Variants in PLA2G4B observed in about 807,000 individuals in gnomAD.
PLA2G4B encodes the protein cytosolic phospholipase A2 beta.
A neutral mutation model predicts 95.8 loss-of-function variants in PLA2G4B; 122 were observed. That is an observed-to-expected ratio of 1.27 (90% CI 1.10 to 1.48). PLA2G4B has a LOEUF of 1.48. PLA2G4B is among the 40% of genes most tolerant of loss of function. The pLI is 0.00. For missense variants in PLA2G4B, 1,158 were observed against 996.2 expected (o/e 1.16, Z -2.19); for synonymous variants, 518 against 421.5 (o/e 1.23, Z -2.80).
chr15:41,845,861 T>G (rs1042816681), intron 15 of PLA2G4B, 82 bp from the exon 16 acceptor site: 1 of 1,525,776 alleles, frequency 6.6e-7, no homozygotes. Flanking sequence ...CAGAAGAGTT[T>G]CCTGGGCCAG....
chr15:41,846,955 G>C, intron 18 of PLA2G4B, 120 bp downstream of exon 18: 1 of 1,334,590 alleles, frequency 7.5e-7, no homozygotes. Context: ...TGGGACACTG[G>C]AATCTTAATT....
At position 41,845,012 on chromosome 15, in the gene PLA2G4B, A is replaced by G; in HGVS notation, c.1181A>G (p.Tyr394Cys). 6.2e-7 allele frequency: 1 copy of G among 1,605,386 alleles called. No homozygotes were observed. ...QELAERARLG[Y>C]PSCFTNLWAL... is the part of the protein sequence containing the mutation. ...CTGGCCGAGCGTGCCCGCTTGGGCT[A>G]CCCAAGCTGCTTCACCAACCTGTGG... The change falls in exon 13 of 20, where the codon TAC becomes TGC. Residue 394 changes from tyrosine to cysteine, a missense_variant. Physicochemically the swap from Tyr to Cys is radical, Grantham distance 194. Transcript: ENST00000458483.
chr15:41,843,663 C>T lies in PLA2G4B; in HGVS notation c.744-13C>T, dbSNP rs542020512. On this transcript the variant is annotated splice_polypyrimidine_tract_variant and intron_variant, in intron 10 of 19. Transcript: ENST00000458483. ...TTGAGAGCTGTCTCACAGTCTCTTCCTTCCCCGGCCAGACTGAGGGAGCTG... is the reference window on the plus strand; with the variant it reads ...TTGAGAGCTGTCTCACAGTCTCTTCTTTCCCCGGCCAGACTGAGGGAGCTG... 1 of 1,611,922 alleles carries T rather than the reference C, an allele frequency of 6.2e-7. No individual in the cohort carries two copies. Among genetic ancestry groups the T allele is most frequent in the East Asian group, 2.2e-5 (1 of 44,836 alleles).
Position 41,845,308 on chromosome 15 carries a change from T to G in PLA2G4B, c.1345T>G (p.Phe449Val). ...CACCAAAGGGCAGAGCCTGACCACT[T>G]TTGAATTTGGGGGTGAGTGGCCCAA... ...LNTKGQSLTT[F>V]EFGEWCEFSP... The change falls in exon 14 of 20, where the codon TTT becomes GTT. Residue 449 changes from phenylalanine to valine, a missense_variant. By Grantham distance (50) the Phe-to-Val change is conservative (BLOSUM62 -1). Transcript: ENST00000458483. The G allele has an allele frequency of 1.9e-6, 3 of 1,613,840 alleles. No individual in the cohort carries two copies. Among genetic ancestry groups the G allele is most frequent in the Non-Finnish European group, 2.5e-6 (3 of 1,179,850 alleles).
chr15:41,841,668 T>TC, intron 7 of PLA2G4B, 97 bp downstream of exon 7: 1 of 1,583,244 alleles, frequency 6.3e-7, no homozygotes, highest in Non-Finnish European at 8.6e-7. Context: ...AGCTTTCCCC[T>TC]TAGGCCTTCT....
rs138574241 is a variant in PLA2G4B at position 41,846,287 on chromosome 15, C to T, written c.1685C>T (p.Thr562Met). ...RIAEFFTDLL[T>M]WRPLAQATHN... ...GCTGAGTTTTTCACCGATCTTCTGA[C>T]GTGGCGTCCACTGGCCCAGGCCACA... The change falls in exon 17 of 20, where the codon ACG (threonine) becomes ATG (methionine). Residue 562 changes from threonine (T) to methionine (M), a missense_variant. Transcript: ENST00000458483. 429 of 1,614,092 alleles carry T rather than the reference C, an allele frequency of 2.7e-4. No individual in the cohort carries two copies. The highest frequency in any genetic ancestry group is 1.7e-3 in the African/African-American group (125 of 75,058).
At chr15:41,846,146 C>T in intron 16 of PLA2G4B, 57 bp from the exon 17 acceptor site, 2 of 1,594,090 alleles carry the variant, frequency 1.3e-6, no homozygotes, top group Non-Finnish European at 1.7e-6. Flanking sequence ...CCAGGGTCAC[C>T]ACCAAGGTGG....
At chr15:41,840,041 A>G in intron 1 of PLA2G4B, 117 bp from the exon 2 acceptor site, 1 of 1,113,660 alleles carries the variant, frequency 9.0e-7, no homozygotes, top group Non-Finnish European at 1.3e-6. Flanking sequence ...GATGAGATGG[A>G]GGATGGGCCT....
At position 41,843,724 on chromosome 15, in the gene PLA2G4B, G is replaced by A; in HGVS notation, c.792G>A (p.Glu264=). Residue 264 remains glutamate, a synonymous_variant, in exon 11 of 20, where the codon GAG becomes GAA. Coordinates refer to ENST00000458483, the MANE Select transcript of PLA2G4B (RefSeq NM_001114633.2). ...VRLGFGPCAE[E]QAFLSRRKQV... ...TGGGCTTCGGGCCCTGTGCAGAGGAGCAGGCCTTCCTGAGCAGGAGGAAGC... is the reference window on the plus strand; with the variant it reads ...TGGGCTTCGGGCCCTGTGCAGAGGAACAGGCCTTCCTGAGCAGGAGGAAGC... 2 of 1,614,086 alleles carry A rather than the reference G, an allele frequency of 1.2e-6. No individual in the cohort carries two copies. The highest frequency in any genetic ancestry group is 1.7e-6 in the Non-Finnish European group (2 of 1,180,008).
chr15:41,847,540 C>G lies in PLA2G4B; in HGVS notation c.2134+17C>G. On this transcript the variant is annotated intron_variant, in intron 19 of 19. Transcript: ENST00000458483. ...CGGCCCCTGGTGAGCTGCTGTTCAC[C>G]TCCCCATCCTGCTGCCCCAGTCCCC... 1 of 1,602,410 alleles carries G rather than the reference C, an allele frequency of 6.2e-7. No individual in the cohort carries two copies. The highest frequency in any genetic ancestry group is 1.1e-5 in the South Asian group (1 of 90,188).
At chr15:41,843,550 C>A (rs546069783) in intron 10 of PLA2G4B, 126 bp from the exon 11 acceptor site, 2 of 1,486,380 alleles carry the variant, frequency 1.3e-6, no homozygotes, top group East Asian at 2.3e-5. Flanking sequence ...TCTTGTGACA[C>A]GGGAGTGGCA....
At position 41,840,786 on chromosome 15, in the gene PLA2G4B, CTG is replaced by C. The variant is rs1327228416; in HGVS notation, c.233_234del (p.Leu78GlnfsTer4). The C allele has an allele frequency of 6.2e-7, 1 of 1,613,728 alleles. No homozygotes were observed. Among genetic ancestry groups the C allele is most frequent in the African/African-American group, 1.3e-5 (1 of 74,900 alleles). On this transcript the variant is annotated frameshift_variant, in exon 4 of 20. Transcript: ENST00000458483. LOFTEE classifies it high-confidence loss of function. ...IHRQLKNVME[L>X]KVFDQDLVTG... ...TTTTCCCCTCCAGAATGTCATGGAA[CTG>C]AAAGTCTTTGACCAGGACCTGGTGA... is the stretch of plus-strand genomic sequence containing the variant.
At chr15:41,842,000 C>G (rs748422060) in intron 8 of PLA2G4B, 51 bp downstream of exon 8, 1 of 1,584,368 alleles carries the variant, frequency 6.3e-7, no homozygotes, top group South Asian at 1.1e-5. Flanking sequence ...TCCTCCCTCC[C>G]TCTGCACCTC....
At position 41,840,175 on chromosome 15, in the gene PLA2G4B, C is replaced by A. The variant is rs777100888; in HGVS notation, c.27C>A (p.Thr9=). Residue 9 remains threonine, a synonymous_variant, in exon 2 of 20, where the codon ACC becomes ACA. Coordinates refer to ENST00000458483, the MANE Select transcript of PLA2G4B (RefSeq NM_001114633.2). MAVAEVSR[T]CLLTVRVLQA... ...CTCTGCAGGCAGAGGTGTCCAGGAC[C>A]TGCCTGCTCACGGTTCGTGTCCTGC... The A allele has an allele frequency of 1.2e-6, 2 of 1,613,310 alleles. No homozygotes were observed. Among genetic ancestry groups the A allele is most frequent in the Non-Finnish European group, 1.7e-6 (2 of 1,180,000 alleles).
Position 41,839,862 on chromosome 15 carries a change from T to A in PLA2G4B, c.10-296T>A, listed in dbSNP as rs1595417493. 2.8e-5 allele frequency: 10 copies of A among 358,734 alleles called. No individual in the cohort carries two copies. The East Asian group carries it at 5.1e-4, about 18-fold the overall frequency. The allele number at this position is 358,734 out of a possible 1,614,324, so 22.2% of individuals were successfully genotyped here. ...GTGACTGCTTCTCTGTGCCTCAGTT[T>A]CCTTGTGGAGTGGGCCATCGTAAAT... On this transcript the variant is annotated intron_variant, in intron 1 of 19. Transcript: ENST00000458483.
In PLA2G4B at chr15:41,845,964, C is replaced by T; in HGVS notation, c.1517C>T (p.Ala506Val). Reference sequence around the variant, plus strand: ...TCAGGTATCTGGAGCAACCTGTATGCAGCCAACCTCCAGGACAGCTTATAC... The same window carrying T: ...TCAGGTATCTGGAGCAACCTGTATGTAGCCAACCTCCAGGACAGCTTATAC... ...FLEGIWSNLY[A>V]ANLQDSLYWA... Residue 506 changes from alanine (A) to valine (V), a missense_variant, in exon 16 of 20, where the codon GCA (alanine) becomes GTA (valine). By Grantham distance (64) the Ala-to-Val change is moderately conservative. Coordinates refer to ENST00000458483, the MANE Select transcript of PLA2G4B (RefSeq NM_001114633.2). 1.3e-6 allele frequency: 2 copies of T among 1,516,426 alleles called. No individual in the cohort carries two copies. The highest frequency in any genetic ancestry group is 1.8e-6 in the Non-Finnish European group (2 of 1,133,040). 93.9% of individuals were successfully genotyped at this position (1,516,426 alleles called of 1,614,324 possible).
rs2065597262 is a variant in PLA2G4B, at chr15:41,847,746, G to A, written c.2232G>A (p.Glu744=). 1.2e-6 allele frequency: 2 copies of A among 1,610,560 alleles called. No individual in the cohort carries two copies. Among genetic ancestry groups the A allele is most frequent in the African/African-American group, 2.8e-5 (2 of 72,074 alleles). The change falls in exon 20 of 20, where the codon GAG becomes GAA. Residue 744 remains glutamate (E), a synonymous_variant. Coordinates refer to ENST00000458483, the MANE Select transcript of PLA2G4B (RefSeq NM_001114633.2). ...ACACGAAGGTGACCTACAGCCAGGA[G>A]GACGTGGACAAGCTGCTGCACCTGA... ...YHYTKVTYSQ[E]DVDKLLHLTH...
rs754275332 is a variant in PLA2G4B, at chr15:41,841,811, G to C, written c.491-8G>C. 10 of 1,612,902 alleles carry C rather than the reference G, an allele frequency of 6.2e-6. No individual in the cohort carries two copies. The East Asian group carries it at 2.0e-4, about 32-fold the overall frequency. ...CCCCAGCCTCTCTGCTCTGGTTCCTGTTTCCAGCCTCAGAGCACAGAGTTC... is the reference window on the plus strand; with the variant it reads ...CCCCAGCCTCTCTGCTCTGGTTCCTCTTTCCAGCCTCAGAGCACAGAGTTC... On this transcript the variant is annotated splice_polypyrimidine_tract_variant and splice_region_variant and intron_variant, in intron 7 of 19. Coordinates refer to ENST00000458483, the MANE Select transcript of PLA2G4B (RefSeq NM_001114633.2).
At position 41,848,091 on chromosome 15, in the gene PLA2G4B, TCTGCG is replaced by T. The variant is rs2065615380; in HGVS notation, c.*234_*238del. On this transcript the variant is annotated 3_prime_UTR_variant, in exon 20 of 20. Transcript: ENST00000458483. Reference sequence around the variant, plus strand: ...CCCCCGGCCTGTGCCTGTTTTCCCTTCTGCGCTACCTTGAGTAGTTGGAGCACTTG... The same window carrying T: ...CCCCCGGCCTGTGCCTGTTTTCCCTTCTACCTTGAGTAGTTGGAGCACTTG... The T allele has an allele frequency of 4.9e-6, 3 of 608,388 alleles. No individual in the cohort carries two copies. The highest frequency in any genetic ancestry group is 1.9e-5 in the African/African-American group (1 of 53,942). 37.7% of individuals were successfully genotyped at this position (608,388 alleles called of 1,614,324 possible).
Sources: gnomAD v4.1 joint callset for allele counts on GRCh38, gnomAD v4.1.1 for gene constraint, MANE v1.5 for transcripts, NCBI Gene and HGNC (gene_info 2026-07-23, HGNC 2026-07-21) for gene names.